The following TNFRSF14 variants were observed in gnomAD, a reference collection of about 807,000 sequenced individuals.
The protein encoded by TNFRSF14 is TNF receptor superfamily member 14.
TNFRSF14 carries 18 observed loss-of-function variants against 34.1 expected under a neutral mutation model. The ratio of observed to expected loss-of-function variants is 0.53; its 90% CI spans 0.36 to 0.78. The LOEUF is 0.78. Ranked by LOEUF, TNFRSF14 falls within the 30% of genes least tolerant of loss-of-function variation. The pLI is 0.00. For missense variants in TNFRSF14, 352 were observed against 379.5 expected, an observed-to-expected ratio of 0.93 and a Z score of 0.60; for synonymous variants, 157 against 153.2, an observed-to-expected ratio of 1.02 and a Z score of -0.18.
chr1:2,559,633 G>C (rs1483533884), intron 3 of TNFRSF14, 190 bp from the exon 4 acceptor site: 2 of 1,534,764 alleles, frequency 1.3e-6, no homozygotes, highest in African/African-American at 1.4e-5. Context: ...CAGCTCTGCC[G>C]TCCCTTGGTG....
In TNFRSF14 at chr1:2,561,700, A is replaced by G; in HGVS notation, c.579A>G (p.Gly193=). 6.2e-7 allele frequency: 1 copy of G among 1,613,250 alleles called. No individual in the cohort carries two copies. Residue 193 remains glycine, a synonymous_variant, in exon 6 of 8, where the codon GGA becomes GGG. Transcript: ENST00000355716. The surrounding 1 kb of genome is among the most constrained non-coding windows in gnomAD (Gnocchi z 6.0). ...TKCSWLVTKA[G]AGTSSSHWVW... ...GCAGCTGGCTGGTGACGAAGGCCGG[A>G]GCTGGGACCAGCAGCTCCCACTGGG... is the stretch of plus-strand genomic sequence containing the variant.
chr1:2,561,922 G>A lies in TNFRSF14; in HGVS notation c.694+107G>A, dbSNP rs891575392. ...GCCCCAGAGCTTTTCCAGGATCCGCGGCTCCTCCCAGGGCAGCCACTGCAG... is the reference window on the plus strand; with the variant it reads ...GCCCCAGAGCTTTTCCAGGATCCGCAGCTCCTCCCAGGGCAGCCACTGCAG... On this transcript the variant is annotated intron_variant, in intron 6 of 7. Transcript: ENST00000355716. This position sits in a 1 kb window ranked among gnomAD's most constrained non-coding sequence, Gnocchi z 6.0. The A allele has an allele frequency of 1.6e-6, 2 of 1,284,732 alleles. No homozygotes were observed. Among genetic ancestry groups the A allele is most frequent in the South Asian group, 1.4e-5 (1 of 72,774 alleles). 79.6% of individuals were successfully genotyped at this position (1,284,732 alleles called of 1,614,324 possible).
intron 3 of TNFRSF14, chr1:2,559,232 C>G: frequency 7.3e-7 from 1 of 1,370,018 alleles, no homozygotes; most frequent in Non-Finnish European, 9.6e-7. Flanking sequence ...ATTTGGGGCT[C>G]ACACCTCAAC....
At chr1:2,562,639 C>T (rs781704373) in intron 6 of TNFRSF14, 24 of 622,176 alleles carry the variant, frequency 3.9e-5, no homozygotes, top group Non-Finnish European at 5.7e-5. Flanking sequence ...GTGGGCCGGG[C>T]GCCCCCAGTC....
At chr1:2,562,980 A>G (rs967642674) in intron 7 of TNFRSF14, 84 bp downstream of exon 7, 12 of 1,539,750 alleles carry the variant, frequency 7.8e-6, no homozygotes, top group African/African-American at 4.1e-5. Flanking sequence ...TCTGGTGTAC[A>G]TGGTGGGGGC....
chr1:2,561,940 C>A lies in TNFRSF14; in HGVS notation c.694+125C>A. The A allele has an allele frequency of 9.1e-7, 1 of 1,095,684 alleles. No homozygotes were observed. The highest frequency in any genetic ancestry group is 2.4e-5 in the East Asian group (1 of 42,098). The allele number at this position is 1,095,684 out of a possible 1,614,324, so 67.9% of individuals were successfully genotyped here. On this transcript the variant is annotated intron_variant, in intron 6 of 7. Coordinates refer to ENST00000355716, the MANE Select transcript of TNFRSF14 (RefSeq NM_003820.4). The surrounding 1 kb of genome is among the most constrained non-coding windows in gnomAD (Gnocchi z 6.0). ...GATCCGCGGCTCCTCCCAGGGCAGC[C>A]ACTGCAGGCTGGGGCAGGTGGGCTT...
rs771583247 is a variant in TNFRSF14, at chr1:2,561,203, C to G, written c.552-470C>G. ...TCCCCCAGCGGAGCCTGGGATGGAG[C>G]AGGGATGGCTGCCCCAGGGAGGGGG... On this transcript the variant is annotated intron_variant, in intron 5 of 7. Coordinates refer to ENST00000355716, the MANE Select transcript of TNFRSF14 (RefSeq NM_003820.4). This position sits in a 1 kb window ranked among gnomAD's most constrained non-coding sequence, Gnocchi z 6.0. 9.7e-5 allele frequency: 41 copies of G among 420,692 alleles called. No individual in the cohort carries two copies. The highest frequency in any genetic ancestry group is 1.4e-4 in the Non-Finnish European group (33 of 236,530). The allele number at this position is 420,692 out of a possible 1,614,324, so 26.1% of individuals were successfully genotyped here. A position where few individuals can be genotyped will look rare whatever the true frequency, so the allele number is the denominator to read the frequency against.
upstream of TNFRSF14, among the ~76,000 whole-genome samples, chr1:2,554,509 A>C (rs1418549286): frequency 6.6e-6 from 1 of 152,008 alleles, no homozygotes; most frequent in African/African-American, 2.4e-5. The surrounding 1 kb of genome is among the most constrained non-coding windows in gnomAD (Gnocchi z 4.2). Context: ...GACAGGGCTT[A>C]CTCAGCAATC....
At chr1:2,558,081 C>G (rs1387006317) in intron 2 of TNFRSF14, among the ~76,000 whole-genome samples, 1 of 152,192 alleles carries the variant, frequency 6.6e-6, no homozygotes, top group Non-Finnish European at 1.5e-5. Flanking sequence ...CCACCGTGGC[C>G]AGAGACATGG....
At position 2,561,653 on chromosome 1, in the gene TNFRSF14, C is replaced by T. The variant is rs771896667; in HGVS notation, c.552-20C>T. ...GGCGCTGCACCTGCCTCTCCCACGTCCTCGGCCCCACTCCCGCAGGTGCAG... is the reference window on the plus strand; with the variant it reads ...GGCGCTGCACCTGCCTCTCCCACGTTCTCGGCCCCACTCCCGCAGGTGCAG... On this transcript the variant is annotated intron_variant, in intron 5 of 7. Coordinates refer to ENST00000355716, the MANE Select transcript of TNFRSF14 (RefSeq NM_003820.4). The surrounding 1 kb of genome is among the most constrained non-coding windows in gnomAD (Gnocchi z 6.0). The T allele has an allele frequency of 2.5e-6, 4 of 1,612,326 alleles. No homozygotes were observed. The highest frequency in any genetic ancestry group is 4.5e-5 in the East Asian group (2 of 44,872).
rs1450098261 is a variant in TNFRSF14 at position 2,559,196 on chromosome 1, T to C, written c.305-627T>C. On this transcript the variant is annotated intron_variant, in intron 3 of 7. Coordinates refer to ENST00000355716, the MANE Select transcript of TNFRSF14 (RefSeq NM_003820.4). Reference sequence around the variant, plus strand: ...GAACAGAAGAGGAAGCTGGAGTGCTTTGGGGGTTCATGCATGTAGGCTGGG... The same window carrying C: ...GAACAGAAGAGGAAGCTGGAGTGCTCTGGGGGTTCATGCATGTAGGCTGGG... 1.5e-5 allele frequency: 21 copies of C among 1,368,874 alleles called. 1 individual carries two copies. In the South Asian group the frequency reaches 1.8e-4, roughly 12 times the overall value. 84.8% of individuals were successfully genotyped at this position (1,368,874 alleles called of 1,614,324 possible). A position where few individuals can be genotyped will look rare whatever the true frequency, so the allele number is the denominator to read the frequency against.
intron 3 of TNFRSF14, chr1:2,558,697 C>A: frequency 8.8e-7 from 1 of 1,141,190 alleles, no homozygotes; most frequent in Non-Finnish European, 1.2e-6. Flanking sequence ...GGTGGGCCAT[C>A]CTGAGCTTGG....
Position 2,556,551 on chromosome 1 carries a change from C to A in TNFRSF14, c.-114C>A, listed in dbSNP as rs1490640834. 9 of 1,059,362 alleles carry A rather than the reference C, an allele frequency of 8.5e-6. No individual in the cohort carries two copies. The highest frequency in any genetic ancestry group is 2.0e-4 in the Middle Eastern group (1 of 5,078). The allele number at this position is 1,059,362 out of a possible 1,614,324, so 65.6% of individuals were successfully genotyped here. A position where few individuals can be genotyped will look rare whatever the true frequency, so the allele number is the denominator to read the frequency against. ...ACAGCTTGTCACACCGAGGCGGATT[C>A]TCTTTCTCTTTCTCTTTCTCTTCTG... On this transcript the variant is annotated 5_prime_UTR_variant, in exon 1 of 8. Coordinates refer to ENST00000355716, the MANE Select transcript of TNFRSF14 (RefSeq NM_003820.4).
Position 2,561,857 on chromosome 1 carries a change from G to A in TNFRSF14, c.694+42G>A, listed in dbSNP as rs113439822. On this transcript the variant is annotated intron_variant, in intron 6 of 7. Coordinates refer to ENST00000355716, the MANE Select transcript of TNFRSF14 (RefSeq NM_003820.4). This position sits in a 1 kb window ranked among gnomAD's most constrained non-coding sequence, Gnocchi z 6.0. Reference sequence around the variant, plus strand: ...CCCATCAGGGCTCATGTCCCCAGCCGTCACCTCTTGGAGCTCTGTCACCCC... The same window carrying A: ...CCCATCAGGGCTCATGTCCCCAGCCATCACCTCTTGGAGCTCTGTCACCCC... 1.8e-4 allele frequency: 291 copies of A among 1,590,268 alleles called. No homozygotes were observed. The African/African-American group carries it at 3.5e-3, about 19-fold the overall frequency.
chr1:2,557,600 GTCC>G, intron 1 of TNFRSF14, 123 bp from the exon 2 acceptor site: 1 of 683,520 alleles, frequency 1.5e-6, no homozygotes, highest in Admixed American at 3.6e-5. Flanking sequence ...GCCCGCTTCT[GTCC>G]TCTCTACCAG....
At chr1:2,556,257 G>C (rs1644209931), upstream of TNFRSF14, 1 of 513,854 alleles carries the variant, frequency 1.9e-6, no homozygotes, top group Non-Finnish European at 3.7e-6. Context: ...GAGTGTGTGA[G>C]TGAGGTGGGG....
At chr1:2,559,349 C>T in intron 3 of TNFRSF14, 1 of 1,375,304 alleles carries the variant, frequency 7.3e-7, no homozygotes. Flanking sequence ...AGGAGGGGCC[C>T]AGGCCCAGCT....
chr1:2,559,368 A>C (rs1384060570), intron 3 of TNFRSF14: 1 of 1,375,118 alleles, frequency 7.3e-7, no homozygotes, highest in Admixed American at 2.2e-5. Context: ...CTTGTACCCC[A>C]CCTCCACCAG....
In TNFRSF14 at chr1:2,557,762, G is replaced by A. The variant is rs745993971; in HGVS notation, c.106G>A (p.Ala36Thr). Reference protein sequence around the residue: ...YLTFLGAPCYAPALPSCKEDE... With the variant: ...YLTFLGAPCYTPALPSCKEDE... ...CACCTTCCTGGGAGCCCCCTGCTACGCCCCAGCTCTGCCGTCCTGCAAGGA... is the reference window on the plus strand; with the variant it reads ...CACCTTCCTGGGAGCCCCCTGCTACACCCCAGCTCTGCCGTCCTGCAAGGA... The change falls in exon 2 of 8, where the codon GCC (alanine) becomes ACC (threonine). Residue 36 changes from alanine to threonine, a missense_variant. Coordinates refer to ENST00000355716, the MANE Select transcript of TNFRSF14 (RefSeq NM_003820.4). The A allele has an allele frequency of 9.9e-6, 16 of 1,610,938 alleles. No individual in the cohort carries two copies. The highest frequency in any genetic ancestry group is 2.2e-5 in the East Asian group (1 of 44,762).
Sources: gnomAD v4.1 joint callset for allele counts (sites outside exome capture counted in the v4.1 genomes callset) on GRCh38, gnomAD v4.1.1 for gene constraint, Gnocchi (gnomAD v3.1) non-coding constraint, MANE v1.5 for transcripts, NCBI Gene and HGNC (gene_info 2026-07-23, HGNC 2026-07-21) for gene names.